The following SDK1 variants were observed in gnomAD, a reference collection of about 807,000 sequenced individuals.
The protein encoded by SDK1 is protein sidekick-1.
SDK1 carries 157 observed loss-of-function variants against 245.5 expected under a neutral mutation model. The ratio of observed to expected loss-of-function variants is 0.64; its 90% CI spans 0.56 to 0.73. The LOEUF is 0.73. SDK1 is among the 30% of genes least tolerant of loss of function. The pLI is 0.00. For missense variants in SDK1, 3,583 were observed against 3,002.3 expected (o/e 1.19, Z -4.52); for synonymous variants, 1,647 against 1,278.5 (o/e 1.29, Z -6.15).
At chr7:3,960,267 TGTGGAA>T (rs1338013394) in intron 8 of SDK1, among the ~76,000 whole-genome samples, 4 of 152,236 alleles carry the variant, frequency 2.6e-5, no homozygotes, top group Admixed American at 2.6e-4. Context: ...GTGTGTGGCC[TGTGGAA>T]GTTACTCATT....
At position 4,026,183 on chromosome 7, in the gene SDK1, G is replaced by A. The variant is rs560102369; in HGVS notation, c.2602+8831G>A. Among the ~76,000 whole-genome samples, 2 of 152,346 alleles carry A rather than the reference G, an allele frequency of 1.3e-5. No homozygotes were observed. The highest frequency in any genetic ancestry group is 1.9e-4 in the East Asian group (1 of 5,174). On this transcript the variant is annotated intron_variant, in intron 17 of 44. Transcript: ENST00000404826. The surrounding 1 kb of genome is among the most constrained non-coding windows in gnomAD (Gnocchi z 4.1). Reference sequence around the variant, plus strand: ...GAGAGGGGAGCTGGTCGTGGGAAGAGTGGAAGAGAAACCACAAACATGCAA... The same window carrying A: ...GAGAGGGGAGCTGGTCGTGGGAAGAATGGAAGAGAAACCACAAACATGCAA...
At chr7:4,152,981 A>G (rs1406314571) in intron 30 of SDK1, among the ~76,000 whole-genome samples, 3 of 152,110 alleles carry the variant, frequency 2.0e-5, no homozygotes, top group African/African-American at 7.2e-5. Flanking sequence ...GTAGAGAGGA[A>G]GAAGAGAAGG....
chr7:3,554,434 G>GTT (rs1779519380), intron 1 of SDK1, among the ~76,000 whole-genome samples: 1 of 152,170 alleles, frequency 6.6e-6, no homozygotes, highest in African/African-American at 2.4e-5. Flanking sequence ...TTGGGACGCA[G>GTT]GTAAAGCAGT....
chr7:3,583,054 G>C lies in SDK1; in HGVS notation c.299-36026G>C, dbSNP rs189284313. Among the ~76,000 whole-genome samples the C allele has an allele frequency of 1.1e-3, 170 of 152,320 alleles. 1 individual carries two copies. Among genetic ancestry groups the C allele is most frequent in the African/African-American group, 4.0e-3 (166 of 41,568 alleles). The stretch of plus-strand genomic sequence containing the variant: ...GTCTAGTCCTAAATGCAGAGGGCAG[G>C]GGTAGGGATGGGAGTAAAAGCATTT... On this transcript the variant is annotated intron_variant, in intron 1 of 44. Transcript: ENST00000404826.
intron 5 of SDK1, among the ~76,000 whole-genome samples, chr7:3,890,867 A>G (rs1283199427): frequency 6.6e-6 from 1 of 152,144 alleles, no homozygotes; most frequent in Non-Finnish European, 1.5e-5. Flanking sequence ...GCTTGAACCC[A>G]GGAGGGGGAG....
intron 1 of SDK1, among the ~76,000 whole-genome samples, chr7:3,611,017 G>A (rs1331808453): frequency 6.6e-6 from 1 of 152,146 alleles, no homozygotes; most frequent in African/African-American, 2.4e-5. Context: ...TAGTTTTTTT[G>A]TTTGAAATAA....
Position 3,728,573 on chromosome 7 carries a change from G to A in SDK1, c.713+86468G>A, listed in dbSNP as rs560576687. 1.1e-4 allele frequency among the ~76,000 whole-genome samples: 16 copies of A among 152,332 alleles called. 1 individual carries two copies. In the South Asian group the frequency reaches 2.3e-3, roughly 22 times the overall value. On this transcript the variant is annotated intron_variant, in intron 4 of 44. Transcript: ENST00000404826. ...AGGCCTTGTGACATTGAGAAGAGAA[G>A]TTGGCCATGTAGTCATGAGTTAGCA...
At chr7:3,450,478 G>A (rs1343588279) in intron 1 of SDK1, among the ~76,000 whole-genome samples, 1 of 152,140 alleles carries the variant, frequency 6.6e-6, no homozygotes, top group Non-Finnish European at 1.5e-5. Flanking sequence ...AAGTAGCAGT[G>A]CTAGCATTTG....
At chr7:3,396,189 C>T (rs542989839) in intron 1 of SDK1, among the ~76,000 whole-genome samples, 20 of 151,770 alleles carry the variant, frequency 1.3e-4, no homozygotes, top group Admixed American at 1.1e-3. Context: ...CTCATTCCCC[C>T]TTGTAATTTT....
At chr7:3,729,401 C>T (rs1167129694) in intron 4 of SDK1, among the ~76,000 whole-genome samples, 1 of 152,194 alleles carries the variant, frequency 6.6e-6, no homozygotes, top group Non-Finnish European at 1.5e-5. Flanking sequence ...AGGATTTATC[C>T]CTTAGGAAAC....
chr7:3,458,516 T>A (rs1211084731), intron 1 of SDK1, among the ~76,000 whole-genome samples: 2 of 152,084 alleles, frequency 1.3e-5, no homozygotes, highest in Non-Finnish European at 2.9e-5. Context: ...ATCTACCCCC[T>A]TTTTTCTTCA....
At chr7:3,818,720 T>C (rs754008802) in intron 4 of SDK1, among the ~76,000 whole-genome samples, 1 of 152,206 alleles carries the variant, frequency 6.6e-6, no homozygotes, top group Non-Finnish European at 1.5e-5. Flanking sequence ...GGCTGCTGGA[T>C]GGTTGGTTCA....
intron 33 of SDK1, 125 bp from the exon 34 acceptor site, chr7:4,175,650 G>A: frequency 1.2e-6 from 1 of 805,338 alleles, no homozygotes; most frequent in Middle Eastern, 2.2e-4. Context: ...TGCCCCGGGA[G>A]GCGCAGCGTG....
chr7:3,917,602 G>C (rs1010376915), intron 5 of SDK1, among the ~76,000 whole-genome samples: 8 of 152,112 alleles, frequency 5.3e-5, no homozygotes, highest in African/African-American at 1.9e-4. Flanking sequence ...GGAAGTCATG[G>C]CTTCTGTTTG....
intron 16 of SDK1, among the ~76,000 whole-genome samples, chr7:4,015,908 T>C (rs963000916): frequency 2.0e-5 from 3 of 152,216 alleles, no homozygotes; most frequent in African/African-American, 7.2e-5. Flanking sequence ...AACGGGAGAA[T>C]GCTCTCGGAA....
intron 4 of SDK1, among the ~76,000 whole-genome samples, chr7:3,781,308 C>A (rs901071601): frequency 2.6e-5 from 4 of 152,046 alleles, no homozygotes; most frequent in Non-Finnish European, 2.9e-5. Context: ...GGCCCACAAC[C>A]CCACCTGACA....
chr7:3,503,479 G>A (rs1782282891), intron 1 of SDK1, among the ~76,000 whole-genome samples: 1 of 151,994 alleles, frequency 6.6e-6, no homozygotes, highest in Admixed American at 6.6e-5. Context: ...AGGAGTTTGA[G>A]ACCAGCCGGG....
rs1326734749 is a variant in SDK1, at chr7:3,953,593, G to C, written c.1150+1673G>C. 2.0e-5 allele frequency among the ~76,000 whole-genome samples: 3 copies of C among 152,306 alleles called. No individual in the cohort carries two copies. In the East Asian group the frequency reaches 5.8e-4, roughly 29 times the overall value. ...CGACGTGTAAATCTCTAGTAGACAG[G>C]ACTATACCGTGTTCAAACATTTTAA... On this transcript the variant is annotated intron_variant, in intron 7 of 44. Transcript: ENST00000404826.
Position 3,448,820 on chromosome 7 carries a change from A to G in SDK1, c.298+146936A>G, listed in dbSNP as rs549845379. ...TTTTCAGTAAGGTAATGACTTTTTA[A>G]AAGCAGGATTTAGTAAGTTGAAAAG... On this transcript the variant is annotated intron_variant, in intron 1 of 44. Transcript: ENST00000404826. Among the ~76,000 whole-genome samples the G allele has an allele frequency of 1.8e-4, 28 of 152,266 alleles. No homozygotes were observed. The South Asian group carries it at 5.8e-3, about 32-fold the overall frequency.
Sources: allele counts gnomAD v4.1 joint callset (sites outside exome capture counted in the v4.1 genomes callset), GRCh38; gene constraint gnomAD v4.1.1; non-coding constraint Gnocchi (gnomAD v3.1); transcripts MANE v1.5; gene names NCBI Gene and HGNC (gene_info 2026-07-23, HGNC 2026-07-21).